The following MAB21L4 variants were observed in gnomAD, a reference collection of about 807,000 sequenced individuals.
MAB21L4 encodes protein mab-21-like 4.
A neutral mutation model predicts 32.4 loss-of-function variants in MAB21L4; 25 were observed. The ratio of observed to expected loss-of-function variants is 0.77; its 90% CI spans 0.56 to 1.08. MAB21L4 has a LOEUF of 1.08. MAB21L4 is among the 50% of genes least tolerant of loss of function. The probability of loss-of-function intolerance (pLI) is 0.00; values close to 1 mark genes in which losing one functional copy is unlikely to be tolerated. For missense variants in MAB21L4, 638 were observed against 611.0 expected (o/e 1.04, Z -0.47); for synonymous variants, 280 against 276.8 (o/e 1.01, Z -0.11).
chr2:240,895,491 G>T lies in MAB21L4; in HGVS notation c.507C>A (p.Ile169=), dbSNP rs781561087. The part of the protein sequence containing the change: ...AIVHCKHHSL[I]APGSLNAASL... ...AGTGGGCTGTGCCTGTACCTGGTGC[G>T]ATGAGACTGTGGTGCTTGCAGTGTA... The change falls in exon 1 of 5, where the codon ATC becomes ATA. Residue 169 remains isoleucine, a synonymous_variant. Transcript: ENST00000388934. 6.4e-7 allele frequency: 1 copy of T among 1,556,708 alleles called. No homozygotes were observed. The highest frequency in any genetic ancestry group is 8.7e-7 in the Non-Finnish European group (1 of 1,145,162).
chr2:240,891,169 G>A (rs1476609167), intron 2 of MAB21L4, among the ~76,000 whole-genome samples: 1 of 152,166 alleles, frequency 6.6e-6, no homozygotes, highest in Non-Finnish European at 1.5e-5. Context: ...CCCCCACTGT[G>A]TGGGAACCCT....
intron 1 of MAB21L4, chr2:240,892,168 G>A: frequency 1.2e-6 from 1 of 808,458 alleles, no homozygotes; most frequent in Non-Finnish European, 1.8e-6. Flanking sequence ...TGGGGCCAAA[G>A]TCCCAGCCCT....
At chr2:240,893,843 G>A (rs1194478736) in intron 1 of MAB21L4, among the ~76,000 whole-genome samples, 1 of 152,130 alleles carries the variant, frequency 6.6e-6, no homozygotes. Flanking sequence ...TCTCACAGGT[G>A]GGGACAGGGC....
At chr2:240,891,973 C>T (rs1223142689) in intron 1 of MAB21L4, 1 of 1,542,204 alleles carries the variant, frequency 6.5e-7, no homozygotes. Flanking sequence ...AGCTGGCCAC[C>T]ATGCCTGCCC....
intron 1 of MAB21L4, 188 bp from the exon 2 acceptor site, chr2:240,891,951 A>C (rs542666257): frequency 6.4e-7 from 1 of 1,558,698 alleles, no homozygotes; most frequent in Non-Finnish European, 8.7e-7. Flanking sequence ...CCTGGACCTC[A>C]GCCAAGTGAG....
intron 2 of MAB21L4, among the ~76,000 whole-genome samples, chr2:240,890,860 C>T (rs2059140198): frequency 6.6e-6 from 1 of 152,260 alleles, no homozygotes; most frequent in Non-Finnish European, 1.5e-5. Flanking sequence ...GCCGCCCCTG[C>T]CTCGCGTGAA....
At chr2:240,887,241 C>A in intron 4 of MAB21L4, 79 bp from the exon 5 acceptor site, 1 of 1,207,658 alleles carries the variant, frequency 8.3e-7, no homozygotes, top group Non-Finnish European at 1.2e-6. Flanking sequence ...GAGAGCACAG[C>A]GTGGAACAAC....
Position 240,890,032 on chromosome 2 carries a change from A to T in MAB21L4, c.867T>A (p.Thr289=), listed in dbSNP as rs1210231696. The change falls in exon 3 of 5, where the codon ACT becomes ACA. Residue 289 remains threonine, a synonymous_variant. Transcript: ENST00000388934. ...NHESWRDSGQ[T]DGLTFGHLKM... The stretch of plus-strand genomic sequence containing the variant: ...TCAGGTGGCCAAAGGTCAGGCCGTC[A>T]GTCTGGCCACTGTCACGCCAGCTCT... The T allele has an allele frequency of 6.2e-7, 1 of 1,612,492 alleles. No homozygotes were observed. Among genetic ancestry groups the T allele is most frequent in the Admixed American group, 1.7e-5 (1 of 59,976 alleles).
Position 240,892,060 on chromosome 2 carries a change from G to A in MAB21L4, c.515-297C>T, listed in dbSNP as rs560335284. On this transcript the variant is annotated intron_variant, in intron 1 of 4. Transcript: ENST00000388934. ...TGATGACAGCAGCGTCCTACATGAG[G>A]TTTTCCTTTGCCAGGCACCACCCTC... is the stretch of plus-strand genomic sequence containing the variant. 2.8e-6 allele frequency: 4 copies of A among 1,446,380 alleles called. No homozygotes were observed. In the African/African-American group the frequency reaches 4.3e-5, roughly 15 times the overall value. 89.6% of individuals were successfully genotyped at this position (1,446,380 alleles called of 1,614,324 possible).
intron 4 of MAB21L4, among the ~76,000 whole-genome samples, chr2:240,887,516 T>C (rs1449831626): frequency 2.0e-5 from 3 of 152,208 alleles, no homozygotes; most frequent in Non-Finnish European, 4.4e-5. Context: ...ATCTGCAGGC[T>C]CTGGGGTAAA....
chr2:240,890,753 T>G (rs890412989), intron 2 of MAB21L4, among the ~76,000 whole-genome samples: 1 of 152,150 alleles, frequency 6.6e-6, no homozygotes, highest in African/African-American at 2.4e-5. Context: ...GCACCAAAAA[T>G]GTCATTTTCC....
chr2:240,896,175 G>A (rs184681706), upstream of MAB21L4: 396 of 1,322,948 alleles, frequency 3.0e-4, no homozygotes, highest in Non-Finnish European at 3.7e-4. Context: ...TGAAATAGCT[G>A]AACTATTTAA....
chr2:240,888,386 G>A lies in MAB21L4; in HGVS notation c.1157C>T (p.Pro386Leu), dbSNP rs142779021. 1.7e-3 allele frequency: 2,689 copies of A among 1,560,284 alleles called. 22 individuals carry two copies. The Admixed American group carries it at 0.021, about 12-fold the overall frequency. ...HATHLGRSPPPRIGSGLKALL... is the reference protein window; with the variant it reads ...HATHLGRSPPLRIGSGLKALL... ...CGCCTTGAGCCCGGAGCCGATGCGCGGCGGGGGGCTGCGGCCCAGGTGGGT... is the reference window on the plus strand; with the variant it reads ...CGCCTTGAGCCCGGAGCCGATGCGCAGCGGGGGGCTGCGGCCCAGGTGGGT... Residue 386 changes from proline (P) to leucine (L), a missense_variant, in exon 4 of 5, where the codon CCG (proline) becomes CTG (leucine). Transcript: ENST00000388934.
At position 240,887,278 on chromosome 2, in the gene MAB21L4, T is replaced by G. The variant is rs888918079; in HGVS notation, c.1252-116A>C. The G allele has an allele frequency of 8.6e-6, 7 of 814,996 alleles. No individual in the cohort carries two copies. The African/African-American group carries it at 1.2e-4, about 14-fold the overall frequency. 50.5% of individuals were successfully genotyped at this position (814,996 alleles called of 1,614,324 possible). Reference sequence around the variant, plus strand: ...GGCCCTCCCTGGGCCATGCCGGGCCTTCCTGCCCCGGGTATCTGCCTGGAC... The same window carrying G: ...GGCCCTCCCTGGGCCATGCCGGGCCGTCCTGCCCCGGGTATCTGCCTGGAC... On this transcript the variant is annotated intron_variant, in intron 4 of 4. Transcript: ENST00000388934.
Position 240,886,242 on chromosome 2 carries a change from AACTC to A in MAB21L4, c.*824_*827del, listed in dbSNP as rs1366308479. 3 of 152,154 alleles carry A rather than the reference AACTC, an allele frequency of 2.0e-5. No homozygotes were observed. Among genetic ancestry groups the A allele is most frequent in the African/African-American group, 7.2e-5 (3 of 41,388 alleles). 9.4% of individuals were successfully genotyped at this position (152,154 alleles called of 1,614,324 possible). A position where few individuals can be genotyped will look rare whatever the true frequency, so the allele number is the denominator to read the frequency against. On this transcript the variant is annotated 3_prime_UTR_variant, in exon 5 of 5. Coordinates refer to ENST00000388934, the MANE Select transcript of MAB21L4 (RefSeq NM_001085437.3). The stretch of plus-strand genomic sequence containing the variant: ...CACTCAAAAAACCAGATCTCATGAG[AACTC>A]ACTCACTATCATGAGAACAGTAAGG...
At chr2:240,894,599 G>A (rs762098853) in intron 1 of MAB21L4, among the ~76,000 whole-genome samples, 10 of 152,196 alleles carry the variant, frequency 6.6e-5, no homozygotes, top group Non-Finnish European at 1.3e-4. Flanking sequence ...GAAGTCAGAA[G>A]TTCGAGACCA....
In MAB21L4 at chr2:240,886,907, G is replaced by T; in HGVS notation, c.*163C>A. The T allele has an allele frequency of 1.7e-6, 1 of 578,486 alleles. No individual in the cohort carries two copies. The highest frequency in any genetic ancestry group is 3.0e-6 in the Non-Finnish European group (1 of 328,542). The allele number at this position is 578,486 out of a possible 1,614,324, so 35.8% of individuals were successfully genotyped here. A position where few individuals can be genotyped will look rare whatever the true frequency, so the allele number is the denominator to read the frequency against. On this transcript the variant is annotated 3_prime_UTR_variant, in exon 5 of 5. Transcript: ENST00000388934. Reference sequence around the variant, plus strand: ...CAAGAGGCCTGCCCTGCCCCACCAGGCACTGAAAGACTCTCAGAGGCCACT... The same window carrying T: ...CAAGAGGCCTGCCCTGCCCCACCAGTCACTGAAAGACTCTCAGAGGCCACT...
At chr2:240,889,578 G>T (rs2059126382) in intron 3 of MAB21L4, among the ~76,000 whole-genome samples, 2 of 152,210 alleles carry the variant, frequency 1.3e-5, no homozygotes, top group South Asian at 4.1e-4. Context: ...TGTCACTGTG[G>T]CCCAGGAAGC....
At chr2:240,893,968 G>A (rs2059171195) in intron 1 of MAB21L4, among the ~76,000 whole-genome samples, 4 of 152,230 alleles carry the variant, frequency 2.6e-5, no homozygotes, top group Middle Eastern at 3.4e-3. Context: ...AGGGCTGGCT[G>A]GGAGCACCAG....
Sources: gnomAD v4.1 joint callset for allele counts (sites outside exome capture counted in the v4.1 genomes callset) on GRCh38, gnomAD v4.1.1 for gene constraint, MANE v1.5 for transcripts, NCBI Gene and HGNC (gene_info 2026-07-23, HGNC 2026-07-21) for gene names.